Variants in MID1 observed in about 807,000 individuals in gnomAD.
The protein encoded by MID1 is midline 1.
MID1 carries 7 observed loss-of-function variants against 40.4 expected under a neutral mutation model. The observed-to-expected ratio is 0.17, with a 90% CI of 0.10 to 0.33. The LOEUF (loss-of-function observed/expected upper bound fraction) is 0.33, where lower values mean the gene tolerates loss of function less well. MID1 is among the 10% of genes least tolerant of loss of function. The probability of loss-of-function intolerance (pLI) is 1.00; values close to 1 mark genes in which losing one functional copy is unlikely to be tolerated. For missense variants in MID1, 367 were observed against 558.5 expected (o/e 0.66, Z 3.46); for synonymous variants, 229 against 221.2 (o/e 1.04, Z -0.31).
chrX:10,798,712 A>G (rs1209029880), intron 1 of MID1, among the ~76,000 whole-genome samples: 1 of 111,537 alleles, frequency 9.0e-6, no homozygotes, highest in Non-Finnish European at 1.9e-5. Flanking sequence ...AAGAGAAGGG[A>G]AGAGAAAGTA....
intron 2 of MID1, among the ~76,000 whole-genome samples, chrX:10,540,258 T>G (rs1299585361): frequency 9.0e-6 from 1 of 111,722 alleles, no homozygotes; most frequent in Non-Finnish European, 1.9e-5. Context: ...TGCAGGCCTT[T>G]AGATAGTATA....
At chrX:10,591,533 G>C (rs1049798777) in intron 1 of MID1, among the ~76,000 whole-genome samples, 1 of 111,996 alleles carries the variant, frequency 8.9e-6, no homozygotes, top group African/African-American at 3.2e-5. Flanking sequence ...AGGGGTGCTG[G>C]GCAAAGGGTG....
intron 4 of MID1, among the ~76,000 whole-genome samples, chrX:10,495,374 A>G (rs1931190954): frequency 9.0e-6 from 1 of 111,344 alleles, no homozygotes; most frequent in African/African-American, 3.3e-5. Context: ...CCCTTGTATC[A>G]CAGGTCTTCA....
intron 1 of MID1, among the ~76,000 whole-genome samples, chrX:10,808,179 C>G (rs2044061244): frequency 8.9e-6 from 1 of 112,106 alleles, no homozygotes; most frequent in Non-Finnish European, 1.9e-5. Context: ...CATGTCCAGA[C>G]AGGAGAGGCT....
intron 1 of MID1, among the ~76,000 whole-genome samples, chrX:10,822,597 G>A (rs750477866): frequency 9.0e-6 from 1 of 111,369 alleles, no homozygotes; most frequent in African/African-American, 3.3e-5. Flanking sequence ...TCCTACAAAG[G>A]TCTAATATCT....
intron 1 of MID1, among the ~76,000 whole-genome samples, chrX:10,810,696 CTGTGTGTG>C (rs370482398): frequency 2.0e-5 from 2 of 101,102 alleles, no homozygotes; most frequent in Non-Finnish European, 4.0e-5. Flanking sequence ...GTTGTTTTCT[CTGTGTGTG>C]TGTGTGTGTG....
intron 1 of MID1, among the ~76,000 whole-genome samples, chrX:10,673,664 G>A (rs975976785): frequency 9.0e-6 from 1 of 110,830 alleles, no homozygotes; most frequent in African/African-American, 3.3e-5. Context: ...CAATTGATAC[G>A]AGATCTGGGA....
intron 8 of MID1, among the ~76,000 whole-genome samples, chrX:10,456,096 C>T (rs1928650247): frequency 8.9e-6 from 1 of 112,264 alleles, no homozygotes; most frequent in Non-Finnish European, 1.9e-5. Context: ...GCCCAGTATA[C>T]AGCTCTCAAT....
intron 1 of MID1, among the ~76,000 whole-genome samples, chrX:10,771,119 A>G (rs1318149606): frequency 4.5e-5 from 5 of 110,247 alleles, no homozygotes; most frequent in African/African-American, 1.7e-4. Flanking sequence ...AAAAAAAAAA[A>G]AAGATTCTTT....
chrX:10,698,427 C>T (rs911408924), intron 1 of MID1, among the ~76,000 whole-genome samples: 5 of 112,103 alleles, frequency 4.5e-5, no homozygotes, highest in African/African-American at 1.6e-4. Flanking sequence ...ATATCTTATG[C>T]ACAGCTTATG....
intron 1 of MID1, among the ~76,000 whole-genome samples, chrX:10,782,748 ATTTACT>A (rs1329885045): frequency 8.9e-6 from 1 of 112,050 alleles, no homozygotes; most frequent in Admixed American, 9.5e-5. Context: ...TTTTCTAGTA[ATTTACT>A]TTTACTGCTG....
At chrX:10,609,621 G>A (rs973190955) in intron 1 of MID1, among the ~76,000 whole-genome samples, 2 of 109,856 alleles carry the variant, frequency 1.8e-5, no homozygotes, top group African/African-American at 6.6e-5. Flanking sequence ...ACTGCCGGGA[G>A]TGATTCTCTT....
intron 1 of MID1, among the ~76,000 whole-genome samples, chrX:10,639,814 C>G (rs1936166974): frequency 1.8e-5 from 2 of 112,214 alleles, no homozygotes; most frequent in South Asian, 7.5e-4. Context: ...AACAGCTGAT[C>G]TGTCGGCAGA....
intron 1 of MID1, among the ~76,000 whole-genome samples, chrX:10,613,218 C>T (rs1173237107): frequency 1.8e-5 from 2 of 111,371 alleles, no homozygotes; most frequent in African/African-American, 6.5e-5. Flanking sequence ...GGACAGATAC[C>T]ACAGTCTACC....
chrX:10,469,382 C>T, intron 7 of MID1: 1 of 991,090 alleles, frequency 1.0e-6, no homozygotes, highest in Non-Finnish European at 1.3e-6. Context: ...TGGATTAATA[C>T]TATATATATA....
intron 1 of MID1, among the ~76,000 whole-genome samples, chrX:10,789,811 C>A (rs899372975): frequency 1.8e-5 from 2 of 111,773 alleles, no homozygotes; most frequent in African/African-American, 6.5e-5. Context: ...TCTGCCCCAC[C>A]CTTGACTGAG....
intron 1 of MID1, among the ~76,000 whole-genome samples, chrX:10,828,861 C>T (rs1010150173): frequency 2.7e-5 from 3 of 112,501 alleles, no homozygotes; most frequent in African/African-American, 9.7e-5. Context: ...GCCTCATGCC[C>T]AGCATTGTGC....
chrX:10,537,384 A>G (rs1032513354), intron 2 of MID1, among the ~76,000 whole-genome samples: 1 of 112,146 alleles, frequency 8.9e-6, no homozygotes, highest in African/African-American at 3.2e-5. Context: ...CTTTGCTCTC[A>G]GGACTTTTTA....
intron 1 of MID1, among the ~76,000 whole-genome samples, chrX:10,644,813 G>A (rs1205793715): frequency 8.9e-6 from 1 of 111,772 alleles, no homozygotes; most frequent in Non-Finnish European, 1.9e-5. Flanking sequence ...CTCAGAAAGT[G>A]TAAGAAGCAC....
Sources: gnomAD v4.1 joint callset for allele counts (sites outside exome capture counted in the v4.1 genomes callset) on GRCh38, gnomAD v4.1.1 for gene constraint, MANE v1.5 for transcripts, NCBI Gene and HGNC (gene_info 2026-07-23, HGNC 2026-07-21) for gene names.